NCOR1: variants seen among roughly 807,000 people sequenced by gnomAD.
The protein encoded by NCOR1 is nuclear receptor corepressor 1.
Under a neutral mutation model 288.1 loss-of-function variants are expected in NCOR1, and 63 were observed. The ratio of observed to expected loss-of-function variants is 0.22; its 90% CI spans 0.18 to 0.27. The LOEUF (loss-of-function observed/expected upper bound fraction) is 0.27, where lower values mean the gene tolerates loss of function less well. Ranked by LOEUF, NCOR1 falls within the 10% of genes least tolerant of loss-of-function variation. The pLI is 1.00. For synonymous variants in NCOR1, 1,007 were observed against 1,065.9 expected, an observed-to-expected ratio of 0.94 and a Z score of 1.08; for missense variants, 2,397 against 3,019.2, an observed-to-expected ratio of 0.79 and a Z score of 4.83.
chr17:16,110,466 G>A (rs1167866770), intron 18 of NCOR1, among the ~76,000 whole-genome samples: 1 of 152,026 alleles, frequency 6.6e-6, no homozygotes, highest in Non-Finnish European at 1.5e-5. Flanking sequence ...CTTCTACTGG[G>A]GTCGCATATA....
intron 29 of NCOR1, 86 bp downstream of exon 29, chr17:16,072,059 A>C: frequency 9.6e-7 from 1 of 1,043,382 alleles, no homozygotes. Flanking sequence ...TAACTTGAAA[A>C]GCAGAAATAC....
At chr17:16,067,171 C>T (rs2061223699) in intron 32 of NCOR1, among the ~76,000 whole-genome samples, 1 of 152,250 alleles carries the variant, frequency 6.6e-6, no homozygotes, top group Non-Finnish European at 1.5e-5. Context: ...GCAGACTGCT[C>T]TCTAGAAACC....
At chr17:16,054,866 A>G (rs2059734354) in intron 40 of NCOR1, among the ~76,000 whole-genome samples, 1 of 152,204 alleles carries the variant, frequency 6.6e-6, no homozygotes. Context: ...TGGGAGGTGG[A>G]GGTTACAGTG....
At chr17:16,091,009 T>C (rs1227307157) in intron 22 of NCOR1, among the ~76,000 whole-genome samples, 2 of 152,186 alleles carry the variant, frequency 1.3e-5, no homozygotes, top group African/African-American at 4.8e-5. Flanking sequence ...ACCAGAAACA[T>C]GTGCCAATTC....
Position 16,058,475 on chromosome 17 carries a change from C to G in NCOR1, c.6006G>C (p.Ala2002=). The change falls in exon 38 of 46, where the codon GCG becomes GCC. Residue 2002 remains alanine, a synonymous_variant. Transcript: ENST00000268712. ...TGGTAGCTTAAGAAGACATACTTTC[C>G]GCTTGATTTGCCTTAACAACCTCTG... The part of the protein sequence containing the change: ...YQPEVVKANQ[A]ENDPTRQYEG... 6.2e-7 allele frequency: 1 copy of G among 1,611,084 alleles called. No individual in the cohort carries two copies.
At chr17:16,091,029 T>A (rs1426831253) in intron 22 of NCOR1, among the ~76,000 whole-genome samples, 1 of 152,170 alleles carries the variant, frequency 6.6e-6, no homozygotes, top group Non-Finnish European at 1.5e-5. Flanking sequence ...CTTCTAACCA[T>A]GTCAGAAGAA....
rs201709830 is a variant in NCOR1 at position 16,137,442 on chromosome 17, G to A, written c.1408-30C>T. 34 of 1,241,762 alleles carry A rather than the reference G, an allele frequency of 2.7e-5. No individual in the cohort carries two copies. The African/African-American group carries it at 5.1e-4, about 19-fold the overall frequency. 76.9% of individuals were successfully genotyped at this position (1,241,762 alleles called of 1,614,324 possible). Reference sequence around the variant, plus strand: ...AAGAAATAAAACAATTATTTTTGAGGATCCAATGAAATAAAGAAATTTTTT... The same window carrying A: ...AAGAAATAAAACAATTATTTTTGAGAATCCAATGAAATAAAGAAATTTTTT... On this transcript the variant is annotated intron_variant, in intron 13 of 45. Coordinates refer to ENST00000268712, the MANE Select transcript of NCOR1 (RefSeq NM_006311.4).
At chr17:16,067,763 T>C in intron 32 of NCOR1, 131 bp downstream of exon 32, 1 of 883,664 alleles carries the variant, frequency 1.1e-6, no homozygotes. Flanking sequence ...AGAATTTAGT[T>C]TGTGAAAATT....
intron 3 of NCOR1, among the ~76,000 whole-genome samples, chr17:16,184,514 T>C (rs917838046): frequency 6.6e-5 from 10 of 152,154 alleles, no homozygotes; most frequent in African/African-American, 2.4e-4. Context: ...CACTATGAGA[T>C]ATTCTCACAC....
At chr17:16,136,293 C>T (rs2076382141) in intron 14 of NCOR1, among the ~76,000 whole-genome samples, 2 of 152,304 alleles carry the variant, frequency 1.3e-5, no homozygotes, top group South Asian at 4.1e-4. Context: ...TCAAGCCATC[C>T]TCCCACCTCA....
At chr17:16,185,683 CAAAAAAAA>C (rs58712974) in intron 3 of NCOR1, among the ~76,000 whole-genome samples, 382 of 33,388 alleles carry the variant, frequency 0.011, 5 homozygotes, top group African/African-American at 0.044. Context: ...GACTCTTTCT[CAAAAAAAA>C]AAAAAAAAAA....
Position 16,098,472 on chromosome 17 carries a change from A to C in NCOR1, c.2715T>G (p.Pro905=). ...RQRMFPMDSK[P]SLLNPTGSIL... is the part of the protein sequence containing the mutation. ...TAGATCCAGTGGGGTTTAACAGTGA[A>C]GGCTTTGAGTCCATAGGAAACATTC... is the stretch of plus-strand genomic sequence containing the variant. The change falls in exon 21 of 46, where the codon CCT becomes CCG. Residue 905 remains proline (P), a synonymous_variant. Coordinates refer to ENST00000268712, the MANE Select transcript of NCOR1 (RefSeq NM_006311.4). 1 of 1,612,470 alleles carries C rather than the reference A, an allele frequency of 6.2e-7. No homozygotes were observed. Among genetic ancestry groups the C allele is most frequent in the Non-Finnish European group, 8.5e-7 (1 of 1,179,378 alleles).
intron 16 of NCOR1, among the ~76,000 whole-genome samples, chr17:16,120,179 T>C (rs2072689929): frequency 6.6e-6 from 1 of 152,128 alleles, no homozygotes; most frequent in Admixed American, 6.5e-5. Flanking sequence ...GCATCAACTC[T>C]GAATCCATCC....
At chr17:16,143,211 T>A (rs181890531) in intron 11 of NCOR1, among the ~76,000 whole-genome samples, 134 of 152,314 alleles carry the variant, frequency 8.8e-4, no homozygotes, top group Middle Eastern at 6.8e-3. Context: ...ACCAGCTTAC[T>A]CCTCTAACCT....
intron 14 of NCOR1, among the ~76,000 whole-genome samples, chr17:16,133,292 A>G (rs1439244877): frequency 6.6e-6 from 1 of 152,202 alleles, no homozygotes; most frequent in Non-Finnish European, 1.5e-5. Flanking sequence ...TTATCTGCTG[A>G]ATAAAAATTA....
chr17:16,175,122 C>T (rs1233748563), intron 3 of NCOR1, among the ~76,000 whole-genome samples: 1 of 151,928 alleles, frequency 6.6e-6, no homozygotes, highest in Non-Finnish European at 1.5e-5. Context: ...AATCCCAAGA[C>T]TTTGGGAGGC....
intron 42 of NCOR1, chr17:16,044,885 TGAG>T (rs907689991): frequency 5.2e-5 from 39 of 749,764 alleles, no homozygotes; most frequent in Admixed American, 2.6e-4. Flanking sequence ...CTGCTCCAGC[TGAG>T]AAGAAAGTGG....
intron 18 of NCOR1, among the ~76,000 whole-genome samples, chr17:16,113,391 T>A (rs1199728856): frequency 6.6e-6 from 1 of 152,150 alleles, no homozygotes; most frequent in Non-Finnish European, 1.5e-5. Context: ...CATTAAGTAA[T>A]CTAATGTTTT....
intron 2 of NCOR1, among the ~76,000 whole-genome samples, chr17:16,193,928 CCTTGGT>C (rs2089194307): frequency 6.6e-6 from 1 of 151,984 alleles, no homozygotes; most frequent in Non-Finnish European, 1.5e-5. Context: ...ACACCCATAA[CCTTGGT>C]CTACTCTGAT....
Sources: allele counts gnomAD v4.1 joint callset (sites outside exome capture counted in the v4.1 genomes callset), GRCh38; gene constraint gnomAD v4.1.1; transcripts MANE v1.5; gene names NCBI Gene and HGNC (gene_info 2026-07-23, HGNC 2026-07-21).